Variants in HIBCH observed in about 807,000 individuals in gnomAD.
HIBCH encodes 3-hydroxyisobutyryl-CoA hydrolase, mitochondrial.
HIBCH carries 50 observed loss-of-function variants against 58.2 expected under a neutral mutation model. The ratio of observed to expected loss-of-function variants is 0.86; its 90% CI spans 0.68 to 1.09. The LOEUF (loss-of-function observed/expected upper bound fraction) is 1.09. HIBCH is among the 50% of genes least tolerant of loss of function. HIBCH has a pLI of 0.00. For synonymous variants in HIBCH, 151 were observed against 146.9 expected (o/e 1.03, Z -0.20); for missense variants, 450 against 449.7 (o/e 1.00, Z -0.01).
chr2:190,228,954 C>T (rs997207456), intron 11 of HIBCH, among the ~76,000 whole-genome samples: 1 of 152,150 alleles, frequency 6.6e-6, no homozygotes, highest in Admixed American at 6.5e-5. Flanking sequence ...TTGGGTAACA[C>T]CCCAAAGAAC....
chr2:190,193,292 TC>T (rs1689804340), intron 1 of HIBCH, among the ~76,000 whole-genome samples: 2 of 152,298 alleles, frequency 1.3e-5, no homozygotes, highest in African/African-American at 4.8e-5. Flanking sequence ...CTGGTATAAA[TC>T]CACTCAGTCA....
chr2:190,195,706 G>A (rs1689936856), intron 1 of HIBCH, among the ~76,000 whole-genome samples: 1 of 151,676 alleles, frequency 6.6e-6, no homozygotes, highest in African/African-American at 2.4e-5. Flanking sequence ...CCAGTCTGTG[G>A]CTTGTCTTCT....
At chr2:190,284,245 A>G (rs1201083591) in intron 6 of HIBCH, among the ~76,000 whole-genome samples, 1 of 152,206 alleles carries the variant, frequency 6.6e-6, no homozygotes, top group Admixed American at 6.5e-5. Context: ...TTTCTTTTGA[A>G]ATAAATATTC....
At position 190,217,967 on chromosome 2, in the gene HIBCH, G is replaced by T. The variant is rs1685606886; in HGVS notation, c.892-4892C>A. ...GGCTCCGTCATTGGGGGTGGATACG[G>T]TTAGGATTAATCCTAACACAAGGGG... On this transcript the variant is annotated intron_variant, in intron 11 of 13. Transcript: ENST00000359678. The surrounding 1 kb of genome is among the most constrained non-coding windows in gnomAD (Gnocchi z 4.6). Among the ~76,000 whole-genome samples, 1 of 152,170 alleles carries T rather than the reference G, an allele frequency of 6.6e-6. No homozygotes were observed. Among genetic ancestry groups the T allele is most frequent in the African/African-American group, 2.4e-5 (1 of 41,430 alleles).
At position 190,317,311 on chromosome 2, in the gene HIBCH, T is replaced by C. The variant is rs58721842; in HGVS notation, c.35+2405A>G. ...CTTACCAGAATTGGTAATCAAAAAT[T>C]ACTTTTGTCTAATTATGTGTTTCCT... On this transcript the variant is annotated intron_variant, in intron 1 of 13. Coordinates refer to ENST00000359678, the MANE Select transcript of HIBCH (RefSeq NM_014362.4). Among the ~76,000 whole-genome samples, 624 of 152,340 alleles carry C rather than the reference T, an allele frequency of 4.1e-3. 9 individuals are homozygous for C. The highest frequency in any genetic ancestry group is 0.015 in the African/African-American group (608 of 41,568).
intron 2 of HIBCH, among the ~76,000 whole-genome samples, chr2:190,310,215 G>C (rs1688522984): frequency 1.3e-5 from 2 of 152,188 alleles, no homozygotes; most frequent in Admixed American, 1.3e-4. Flanking sequence ...AGGCTGCACT[G>C]TCAGCTTCCT....
At chr2:190,238,929 G>C (rs928039752) in intron 11 of HIBCH, among the ~76,000 whole-genome samples, 1 of 152,182 alleles carries the variant, frequency 6.6e-6, no homozygotes, top group African/African-American at 2.4e-5. Context: ...TGTTCACTCT[G>C]ATGAGAATTT....
At chr2:190,262,088 T>G (rs1687103151) in intron 6 of HIBCH, among the ~76,000 whole-genome samples, 1 of 149,440 alleles carries the variant, frequency 6.7e-6, no homozygotes, top group African/African-American at 2.5e-5. Context: ...GCAGTGAAGC[T>G]TAAAGGTCAT....
rs201186185 is a variant in HIBCH at position 190,319,761 on chromosome 2, T to C, written c.-11A>G. 1,078 of 1,610,820 alleles carry C rather than the reference T, an allele frequency of 6.7e-4. 1 individual carries two copies. The highest frequency in any genetic ancestry group is 2.0e-3 in the South Asian group (178 of 90,048). On this transcript the variant is annotated 5_prime_UTR_variant, in exon 1 of 14. Coordinates refer to ENST00000359678, the MANE Select transcript of HIBCH (RefSeq NM_014362.4). Reference sequence around the variant, plus strand: ...CTCGCGCTGCCCCATCGCCAAACACTCCGAAGCTAAAGCAGCAGAGCGAGA... The same window carrying C: ...CTCGCGCTGCCCCATCGCCAAACACCCCGAAGCTAAAGCAGCAGAGCGAGA...
chr2:190,190,568 T>C (rs1689664193), intron 1 of HIBCH, among the ~76,000 whole-genome samples: 1 of 151,682 alleles, frequency 6.6e-6, no homozygotes, highest in African/African-American at 2.4e-5. Flanking sequence ...GATAAATATC[T>C]AGAAATGAAA....
At chr2:190,201,293 G>C (rs1690233945), downstream of HIBCH, 1 of 166,708 alleles carries the variant, frequency 6.0e-6, no homozygotes, top group Non-Finnish European at 1.5e-5. Flanking sequence ...TGTTTTAAAG[G>C]ATTAAGTACT....
chr2:190,194,873 G>T (rs979078664), intron 1 of HIBCH, among the ~76,000 whole-genome samples: 9 of 152,040 alleles, frequency 5.9e-5, no homozygotes, highest in Non-Finnish European at 1.3e-4. Context: ...TATTTTTTGA[G>T]GTGGGGTCTT....
At chr2:190,258,953 C>T (rs926688599) in intron 7 of HIBCH, among the ~76,000 whole-genome samples, 3 of 152,134 alleles carry the variant, frequency 2.0e-5, no homozygotes, top group Non-Finnish European at 1.5e-5. Flanking sequence ...TGTCTCTGGG[C>T]TTGCTATTCT....
At chr2:190,275,518 G>C (rs1369648135) in intron 6 of HIBCH, among the ~76,000 whole-genome samples, 1 of 152,134 alleles carries the variant, frequency 6.6e-6, no homozygotes, top group Admixed American at 6.5e-5. Flanking sequence ...AAGAGGGATA[G>C]GACAGCAGTC....
chr2:190,304,127 A>G lies in HIBCH; in HGVS notation c.78+6627T>C, dbSNP rs561184609. 6.6e-6 allele frequency among the ~76,000 whole-genome samples: 1 copy of G among 152,234 alleles called. No individual in the cohort carries two copies. The highest frequency in any genetic ancestry group is 1.9e-4 in the East Asian group (1 of 5,182). On this transcript the variant is annotated intron_variant, in intron 2 of 13. Coordinates refer to ENST00000359678, the MANE Select transcript of HIBCH (RefSeq NM_014362.4). The surrounding 1 kb of genome is among the most constrained non-coding windows in gnomAD (Gnocchi z 4.1). ...TGAATGCAGTGTCATTGATTTCTGG[A>G]ACAGAATATTAATGAAAAAAAACTG... is the stretch of plus-strand genomic sequence containing the variant.
chr2:190,235,139 G>A (rs1251688132), intron 11 of HIBCH, among the ~76,000 whole-genome samples: 1 of 152,264 alleles, frequency 6.6e-6, no homozygotes, highest in Non-Finnish European at 1.5e-5. Flanking sequence ...TGCTTCTAGT[G>A]AGCAAAGGCA....
At chr2:190,284,336 C>A (rs2664254) in intron 6 of HIBCH, among the ~76,000 whole-genome samples, 148,186 of 152,236 alleles carry the variant, frequency 0.97, 72,163 homozygotes, top group Admixed American at 0.98. Context: ...TGGCCAGTGC[C>A]TTCAGAAATG....
chr2:190,298,516 T>TTA (rs1688172109), intron 2 of HIBCH, among the ~76,000 whole-genome samples: 1 of 152,218 alleles, frequency 6.6e-6, no homozygotes, highest in Admixed American at 6.5e-5. Flanking sequence ...AATGAGCTTT[T>TTA]TTTCATGTTA....
rs879293568 is a variant in HIBCH, at chr2:190,210,384, T to C, written c.1012-1471A>G. On this transcript the variant is annotated intron_variant, in intron 12 of 13. Transcript: ENST00000359678. This position sits in a 1 kb window ranked among gnomAD's most constrained non-coding sequence, Gnocchi z 5.5. ...TGACACTACACTCTCCTGGTCCTCC[T>C]ACCTCTCCATCCTTTTTTTCCTTCC... Among the ~76,000 whole-genome samples, 1 of 152,186 alleles carries C rather than the reference T, an allele frequency of 6.6e-6. No individual in the cohort carries two copies. The highest frequency in any genetic ancestry group is 1.5e-5 in the Non-Finnish European group (1 of 68,028).
Sources: gnomAD v4.1 joint callset for allele counts (sites outside exome capture counted in the v4.1 genomes callset) on GRCh38, gnomAD v4.1.1 for gene constraint, Gnocchi (gnomAD v3.1) non-coding constraint, MANE v1.5 for transcripts, NCBI Gene and HGNC (gene_info 2026-07-23, HGNC 2026-07-21) for gene names.